The following MYT1L variants were observed in gnomAD, a reference collection of about 807,000 sequenced individuals.
MYT1L encodes myelin transcription factor 1-like protein.
In MYT1L, 12 loss-of-function variants were observed where a neutral mutation model predicts 126.7. The ratio of observed to expected loss-of-function variants is 0.09; its 90% CI spans 0.06 to 0.15. MYT1L has a LOEUF of 0.15. Among genes scored for constraint, MYT1L ranks in the 10% least tolerant of loss-of-function variants. The probability of loss-of-function intolerance (pLI) is 1.00; values close to 1 mark genes in which losing one functional copy is unlikely to be tolerated. For synonymous variants in MYT1L, 541 were observed against 604.2 expected (o/e 0.90, Z 1.53); for missense variants, 979 against 1,585.2 (o/e 0.62, Z 6.49).
Position 1,806,676 on chromosome 2 carries a change from T to A in MYT1L, c.3172+2400A>T, listed in dbSNP as rs1185788201. On this transcript the variant is annotated intron_variant, in intron 22 of 24. Transcript: ENST00000647738. This position sits in a 1 kb window ranked among gnomAD's most constrained non-coding sequence, Gnocchi z 4.9. ...GATGAAGAGATGGCCACCTCAGGGA[T>A]CTGCCCACCGCCGCCCAGGTGGACC... Among the ~76,000 whole-genome samples, 1 of 152,110 alleles carries A rather than the reference T, an allele frequency of 6.6e-6. No individual in the cohort carries two copies. Among genetic ancestry groups the A allele is most frequent in the African/African-American group, 2.4e-5 (1 of 41,434 alleles).
intron 1 of MYT1L, among the ~76,000 whole-genome samples, chr2:2,310,469 T>C (rs1306784851): frequency 1.2e-4 from 19 of 152,206 alleles, no homozygotes; most frequent in Admixed American, 1.2e-3. Flanking sequence ...TACACTATAC[T>C]ACTCTCTACT....
intron 2 of MYT1L, among the ~76,000 whole-genome samples, chr2:2,187,188 C>T (rs1326505372): frequency 6.6e-6 from 1 of 152,072 alleles, no homozygotes; most frequent in East Asian, 1.9e-4. Flanking sequence ...CGAGGCCTTT[C>T]CTAAATCTGC....
chr2:2,003,975 A>AGGCG (rs2062711719), intron 4 of MYT1L, among the ~76,000 whole-genome samples: 1 of 132,074 alleles, frequency 7.6e-6, no homozygotes, highest in Non-Finnish European at 1.7e-5. Context: ...TCCTGCAGGC[A>AGGCG]TTCTTTCCTG....
chr2:1,865,929 C>T (rs1402520521), intron 18 of MYT1L, among the ~76,000 whole-genome samples: 4 of 152,334 alleles, frequency 2.6e-5, no homozygotes, highest in Admixed American at 1.3e-4. Context: ...ATGAAATAGG[C>T]ACAGGCATTC....
intron 2 of MYT1L, among the ~76,000 whole-genome samples, chr2:2,256,335 G>T (rs2094812490): frequency 6.6e-6 from 1 of 152,212 alleles, no homozygotes; most frequent in Non-Finnish European, 1.5e-5. Flanking sequence ...AGTGAATAAG[G>T]GTTTCAGATC....
intron 2 of MYT1L, among the ~76,000 whole-genome samples, chr2:2,210,123 C>A (rs926295411): frequency 6.6e-6 from 1 of 152,152 alleles, no homozygotes; most frequent in Non-Finnish European, 1.5e-5. Flanking sequence ...GATCTTTTGT[C>A]CATTTTTAAT....
At chr2:1,963,852 C>T (rs1323243499) in intron 8 of MYT1L, among the ~76,000 whole-genome samples, 1 of 152,212 alleles carries the variant, frequency 6.6e-6, no homozygotes, top group East Asian at 1.9e-4. Flanking sequence ...ATCTAGACTG[C>T]TCAAACTTAC....
rs2048363911 is a variant in MYT1L at position 1,887,994 on chromosome 2, C to T, written c.2521-385G>A. 6.6e-6 allele frequency among the ~76,000 whole-genome samples: 1 copy of T among 152,222 alleles called. No homozygotes were observed. The highest frequency in any genetic ancestry group is 1.5e-5 in the Non-Finnish European group (1 of 68,038). Reference sequence around the variant, plus strand: ...TGCCTGCAAAGATTCAACACTGGAACTACAGTGTCTTAGGGCTGAGCTTTC... The same window carrying T: ...TGCCTGCAAAGATTCAACACTGGAATTACAGTGTCTTAGGGCTGAGCTTTC... On this transcript the variant is annotated intron_variant, in intron 16 of 24. Transcript: ENST00000647738. The surrounding 1 kb of genome is among the most constrained non-coding windows in gnomAD (Gnocchi z 4.8).
chr2:1,965,968 G>A (rs1291224850), intron 8 of MYT1L, among the ~76,000 whole-genome samples: 15 of 152,244 alleles, frequency 9.9e-5, no homozygotes, highest in Admixed American at 7.8e-4. Context: ...AGGACTGCCT[G>A]CTTCACGACG....
intron 3 of MYT1L, among the ~76,000 whole-genome samples, chr2:2,105,220 T>C (rs1316110789): frequency 1.3e-5 from 2 of 152,166 alleles, no homozygotes; most frequent in African/African-American, 2.4e-5. Context: ...TAGAATGCAA[T>C]GGATCCCCGG....
intron 9 of MYT1L, among the ~76,000 whole-genome samples, chr2:1,936,359 A>G (rs1160240054): frequency 2.6e-5 from 4 of 152,250 alleles, no homozygotes; most frequent in Non-Finnish European, 5.9e-5. Context: ...AAGAGAGTTT[A>G]GGTTTTTTAA....
chr2:2,252,822 C>G (rs1364301435), intron 2 of MYT1L, among the ~76,000 whole-genome samples: 1 of 152,154 alleles, frequency 6.6e-6, no homozygotes, highest in South Asian at 2.1e-4. Flanking sequence ...AAAATGCCTT[C>G]CCCTCTTTCT....
chr2:1,861,897 A>AGCCTGTGTAATCCTAGATCTGCCGG (rs2044697129), intron 18 of MYT1L, among the ~76,000 whole-genome samples: 1 of 4,366 alleles, frequency 2.3e-4, no homozygotes, highest in Non-Finnish European at 6.1e-4. Context: ...GGATCCTCCT[A>AGCCTGTGTAATCCTAGATCTGCCGG]CAGCCTGTGT....
At chr2:1,923,954 G>C (rs1292494298) in intron 9 of MYT1L, among the ~76,000 whole-genome samples, 1 of 152,190 alleles carries the variant, frequency 6.6e-6, no homozygotes, top group Admixed American at 6.5e-5. Context: ...TCCTCTGTCT[G>C]TGTCTCCACA....
intron 4 of MYT1L, among the ~76,000 whole-genome samples, chr2:2,001,649 C>T (rs1320469782): frequency 1.3e-5 from 2 of 152,124 alleles, no homozygotes; most frequent in East Asian, 1.9e-4. Flanking sequence ...GGAAAGGGTA[C>T]ACAATTTGGC....
chr2:2,236,311 T>A (rs2094302151), intron 2 of MYT1L, among the ~76,000 whole-genome samples: 1 of 124,730 alleles, frequency 8.0e-6, no homozygotes, highest in Admixed American at 9.6e-5. Context: ...GCCCAGTACA[T>A]CCCAACCCAA....
intron 2 of MYT1L, among the ~76,000 whole-genome samples, chr2:2,250,362 C>A (rs1425370423): frequency 1.3e-5 from 2 of 151,868 alleles, no homozygotes; most frequent in Non-Finnish European, 2.9e-5. Context: ...GCCATTTGCA[C>A]CAAAATGCAA....
At chr2:2,211,553 A>G (rs1053354165) in intron 2 of MYT1L, among the ~76,000 whole-genome samples, 10 of 152,140 alleles carry the variant, frequency 6.6e-5, no homozygotes, top group Non-Finnish European at 1.0e-4. Flanking sequence ...CATGCCTGTA[A>G]TCCCTGCACT....
intron 3 of MYT1L, among the ~76,000 whole-genome samples, chr2:2,135,898 C>T (rs1041529758): frequency 7.9e-5 from 12 of 152,282 alleles, no homozygotes; most frequent in East Asian, 1.9e-4. Flanking sequence ...CTTAAGAAAA[C>T]GTTCTACTAT....
Sources: gnomAD v4.1 joint callset for allele counts (sites outside exome capture counted in the v4.1 genomes callset) on GRCh38, gnomAD v4.1.1 for gene constraint, Gnocchi (gnomAD v3.1) non-coding constraint, MANE v1.5 for transcripts, NCBI Gene and HGNC (gene_info 2026-07-23, HGNC 2026-07-21) for gene names.